The following WNK1 variants were observed in gnomAD, a reference collection of about 807,000 sequenced individuals.
WNK1 encodes the protein WNK lysine deficient protein kinase 1, also known as serine/threonine-protein kinase WNK1.
WNK1 carries 38 observed loss-of-function variants against 222.8 expected under a neutral mutation model. The ratio of observed to expected loss-of-function variants is 0.17; its 90% CI spans 0.13 to 0.22. The LOEUF is 0.22. Among genes scored for constraint, WNK1 ranks in the 10% least tolerant of loss-of-function variants. WNK1 has a pLI of 1.00. For synonymous variants in WNK1, 1,090 were observed against 1,092.9 expected (o/e 1.00, Z 0.05); for missense variants, 2,348 against 2,918.4 (o/e 0.80, Z 4.50).
chr12:908,212 C>A, intron 27 of WNK1, 178 bp downstream of exon 27: 1 of 891,702 alleles, frequency 1.1e-6, no homozygotes, highest in Non-Finnish European at 1.7e-6. Context: ...AATTCCTAAC[C>A]TCTTGTTGGT....
chr12:888,274 A>G (rs1953863718), intron 20 of WNK1, among the ~76,000 whole-genome samples: 3 of 152,320 alleles, frequency 2.0e-5, no homozygotes, highest in African/African-American at 7.2e-5. Flanking sequence ...ATGAAGTAAA[A>G]ACCCCAACAG....
intron 9 of WNK1, among the ~76,000 whole-genome samples, chr12:873,899 T>G (rs1475453127): frequency 6.6e-6 from 1 of 152,060 alleles, no homozygotes; most frequent in Non-Finnish European, 1.5e-5. Flanking sequence ...ACATAGTAAA[T>G]GAGGAATTGC....
intron 2 of WNK1, among the ~76,000 whole-genome samples, chr12:814,828 A>G (rs981671785): frequency 6.6e-6 from 1 of 152,220 alleles, no homozygotes; most frequent in Non-Finnish European, 1.5e-5. Context: ...ATTAAAATAT[A>G]TAATGAAATA....
rs1948474740 is a variant in WNK1 at position 827,786 on chromosome 12, C to A, written c.1153+524C>A. Among the ~76,000 whole-genome samples, 1 of 152,072 alleles carries A rather than the reference C, an allele frequency of 6.6e-6. No individual in the cohort carries two copies. Among genetic ancestry groups the A allele is most frequent in the Non-Finnish European group, 1.5e-5 (1 of 68,026 alleles). The stretch of plus-strand genomic sequence containing the variant: ...TCAAGTGATCCACCTGCCTTGGCCT[C>A]CTAAAGTGTTGGGATTACAGGCGTG... On this transcript the variant is annotated intron_variant, in intron 3 of 27. Coordinates refer to ENST00000315939, the MANE Select transcript of WNK1 (RefSeq NM_018979.4). This position sits in a 1 kb window ranked among gnomAD's most constrained non-coding sequence, Gnocchi z 4.6.
chr12:818,456 C>T (rs1375794448), intron 2 of WNK1, among the ~76,000 whole-genome samples: 1 of 152,170 alleles, frequency 6.6e-6, no homozygotes. Context: ...TGCCTGATCT[C>T]TGGGACCAGC....
At chr12:879,459 T>TTTTTTTTTTTTC in intron 10 of WNK1, 114 bp from the exon 11 acceptor site, 1 of 597,256 alleles carries the variant, frequency 1.7e-6, no homozygotes, top group Non-Finnish European at 2.6e-6. Flanking sequence ...TTTTTTTTTG[T>TTTTTTTTTTTTC]TTGTTTTTTC....
intron 1 of WNK1, among the ~76,000 whole-genome samples, chr12:803,438 T>TG (rs1946067630): frequency 6.6e-6 from 1 of 152,226 alleles, no homozygotes. Flanking sequence ...ATAGTGGCTC[T>TG]GGGGATGTGG....
Position 900,643 on chromosome 12 carries a change from G to C in WNK1, c.6616G>C (p.Val2206Leu), listed in dbSNP as rs141160595. ...SAFTSDGAIS[V>L]PSLSAPGQGT... is the part of the protein sequence containing the mutation. ...CTTCACCAGTGATGGTGCCATTTCAGTACCAAGCCTTTCTGCTCCAGGTCA... is the reference window on the plus strand; with the variant it reads ...CTTCACCAGTGATGGTGCCATTTCACTACCAAGCCTTTCTGCTCCAGGTCA... Residue 2206 changes from valine to leucine, a missense_variant, in exon 26 of 28, where the codon GTA (valine) becomes CTA (leucine). By Grantham distance (32) the Val-to-Leu change is conservative. Coordinates refer to ENST00000315939, the MANE Select transcript of WNK1 (RefSeq NM_018979.4). 7.4e-6 allele frequency: 12 copies of C among 1,614,208 alleles called. No individual in the cohort carries two copies. In the African/African-American group the frequency reaches 1.6e-4, roughly 22 times the overall value.
In WNK1 at chr12:879,688, C is replaced by T. The variant is rs575889688; in HGVS notation, c.2489C>T (p.Pro830Leu). 3.1e-6 allele frequency: 5 copies of T among 1,613,654 alleles called. No homozygotes were observed. The highest frequency in any genetic ancestry group is 1.3e-5 in the African/African-American group (1 of 74,792). The change falls in exon 11 of 28, where the codon CCG becomes CTG. Residue 830 changes from proline to leucine, a missense_variant. By Grantham distance (98) the Pro-to-Leu change is moderately conservative. Transcript: ENST00000315939. ...GCTCATTTCCTTCCAGTGGGACAGC[C>T]GCTCCCTACTCCCTTGCTCCCTCAG... Reference protein sequence around the residue: ...SGAHFLPVGQPLPTPLLPQYP... With the variant: ...SGAHFLPVGQLLPTPLLPQYP...
chr12:785,487 A>G (rs1944206322), intron 1 of WNK1, among the ~76,000 whole-genome samples: 1 of 124,326 alleles, frequency 8.0e-6, no homozygotes, highest in Non-Finnish European at 1.6e-5. Flanking sequence ...TGCAGCCTCC[A>G]CCTCCCAGGT....
chr12:778,257 G>T (rs1456988045), intron 1 of WNK1, among the ~76,000 whole-genome samples: 2 of 151,640 alleles, frequency 1.3e-5, no homozygotes, highest in Non-Finnish European at 2.9e-5. Context: ...GTTTTAAAAG[G>T]CATTGAAAAT....
In WNK1 at chr12:908,861, G is replaced by GGGGGGGGGGGTCCC; in HGVS notation, c.*69_*70insGGGGGGGGGGTCCC. On this transcript the variant is annotated 3_prime_UTR_variant, in exon 28 of 28. Transcript: ENST00000315939. ...ATGCTGAGGGGGTGGGTGGGGGTGG[G>GGGGGGGGGGGTCCC]AAGTAGCCTATATACTAACTACTAG... 1 of 491,846 alleles carries GGGGGGGGGGGTCCC rather than the reference G, an allele frequency of 2.0e-6. No individual in the cohort carries two copies. Among genetic ancestry groups the GGGGGGGGGGGTCCC allele is most frequent in the Non-Finnish European group, 4.1e-6 (1 of 241,770 alleles). The allele number at this position is 491,846 out of a possible 1,614,324, so 30.5% of individuals were successfully genotyped here. A position where few individuals can be genotyped will look rare whatever the true frequency, so the allele number is the denominator to read the frequency against.
chr12:857,386 G>A, intron 5 of WNK1, 137 bp downstream of exon 5: 2 of 843,364 alleles, frequency 2.4e-6, no homozygotes, highest in South Asian at 3.0e-5. Context: ...ATTTTTAAAG[G>A]TAGGGTTTTG....
chr12:884,049 C>T lies in WNK1; in HGVS notation c.3722-72C>T. On this transcript the variant is annotated intron_variant, in intron 17 of 27. Coordinates refer to ENST00000315939, the MANE Select transcript of WNK1 (RefSeq NM_018979.4). The surrounding 1 kb of genome is among the most constrained non-coding windows in gnomAD (Gnocchi z 5.6). The stretch of plus-strand genomic sequence containing the variant: ...CCTCAAAAAAAGCAGTTGTATGTGC[C>T]AATAATGAAGTCTAACAATATTTAT... The T allele has an allele frequency of 1.9e-6, 3 of 1,602,568 alleles. No homozygotes were observed. Among genetic ancestry groups the T allele is most frequent in the Non-Finnish European group, 2.6e-6 (3 of 1,171,648 alleles).
Position 884,689 on chromosome 12 carries a change from T to C in WNK1, c.3885T>C (p.Ser1295=). 7 of 1,614,214 alleles carry C rather than the reference T, an allele frequency of 4.3e-6. No individual in the cohort carries two copies. The highest frequency in any genetic ancestry group is 5.9e-6 in the Non-Finnish European group (7 of 1,180,038). Residue 1295 remains serine (S), a synonymous_variant, in exon 19 of 28, where the codon TCT becomes TCC. Coordinates refer to ENST00000315939, the MANE Select transcript of WNK1 (RefSeq NM_018979.4). This position sits in a 1 kb window ranked among gnomAD's most constrained non-coding sequence, Gnocchi z 5.6. The part of the protein sequence containing the change: ...STAQSPGMNL[S]HSASSLSLQQ... ...CTCAGAGCCCTGGAATGAACTTGTC[T>C]CACTCTGCATCATCCCTTAGTCTAC...
chr12:814,387 A>C (rs1331659349), intron 2 of WNK1, among the ~76,000 whole-genome samples: 2 of 151,924 alleles, frequency 1.3e-5, no homozygotes, highest in Middle Eastern at 3.2e-3. Flanking sequence ...TCTAGTGGTT[A>C]AAATGAGATT....
chr12:873,875 C>G (rs1952380544), intron 9 of WNK1, among the ~76,000 whole-genome samples: 1 of 152,030 alleles, frequency 6.6e-6, no homozygotes, highest in Admixed American at 6.6e-5. Context: ...TACTTTATTT[C>G]ATGCGTTTCT....
At chr12:804,189 C>T (rs1180890987) in intron 1 of WNK1, among the ~76,000 whole-genome samples, 1 of 152,142 alleles carries the variant, frequency 6.6e-6, no homozygotes, top group African/African-American at 2.4e-5. Context: ...CTCCCCTGTC[C>T]TGAATTTTAC....
chr12:797,805 C>T (rs949107891), intron 1 of WNK1, among the ~76,000 whole-genome samples: 12 of 151,878 alleles, frequency 7.9e-5, no homozygotes, highest in African/African-American at 1.2e-4. Flanking sequence ...AAAAATTAGC[C>T]GGGCATGGTG....
Sources: gnomAD v4.1 joint callset for allele counts (sites outside exome capture counted in the v4.1 genomes callset) on GRCh38, gnomAD v4.1.1 for gene constraint, Gnocchi (gnomAD v3.1) non-coding constraint, MANE v1.5 for transcripts, NCBI Gene and HGNC (gene_info 2026-07-23, HGNC 2026-07-21) for gene names.